TMEM150C: variants seen among roughly 807,000 people sequenced by gnomAD.
The protein encoded by TMEM150C is transmembrane protein 150C, also known as tentonin 3.
In TMEM150C, 10 loss-of-function variants were observed where a neutral mutation model predicts 29.9. The observed-to-expected ratio is 0.33, with a 90% CI of 0.21 to 0.57. The LOEUF (loss-of-function observed/expected upper bound fraction) is 0.57, where lower values mean the gene tolerates loss of function less well. Among genes scored for constraint, TMEM150C ranks in the 20% least tolerant of loss-of-function variants. The pLI, the probability that TMEM150C is intolerant of heterozygous loss-of-function variation, is 0.88. For missense variants in TMEM150C, 251 were observed against 303.6 expected (o/e 0.83, Z 1.29); for synonymous variants, 101 against 112.5 (o/e 0.90, Z 0.64).
chr4:82,517,798 A>G (rs975663546), intron 1 of TMEM150C, among the ~76,000 whole-genome samples: 10 of 152,156 alleles, frequency 6.6e-5, no homozygotes, highest in African/African-American at 2.4e-4. Flanking sequence ...TGCCTAAGCC[A>G]ATTCTCATAA....
intron 1 of TMEM150C, among the ~76,000 whole-genome samples, chr4:82,543,698 T>C (rs1243043971): frequency 2.0e-5 from 3 of 152,182 alleles, no homozygotes; most frequent in Non-Finnish European, 4.4e-5. Flanking sequence ...AGCTAAACAA[T>C]GTATCATTTC....
chr4:82,488,027 T>C (rs115877262), intron 7 of TMEM150C, among the ~76,000 whole-genome samples: 2,411 of 152,298 alleles, frequency 0.016, 71 homozygotes, highest in African/African-American at 0.056. Flanking sequence ...GGGATTTTGG[T>C]GCACCCACCA....
At chr4:82,534,194 T>C (rs1406388751) in intron 1 of TMEM150C, among the ~76,000 whole-genome samples, 2 of 152,216 alleles carry the variant, frequency 1.3e-5, no homozygotes, top group Admixed American at 6.5e-5. Context: ...TTTTGCAATG[T>C]TCTGGAAGCT....
chr4:82,490,434 AC>A (rs1283201565), intron 6 of TMEM150C, among the ~76,000 whole-genome samples, 196 bp from the exon 7 acceptor site: 17 of 152,198 alleles, frequency 1.1e-4, no homozygotes, highest in Non-Finnish European at 2.4e-4. Flanking sequence ...AATAAATAAT[AC>A]CCCCAACCCT....
intron 1 of TMEM150C, among the ~76,000 whole-genome samples, chr4:82,511,844 G>A (rs758788638): frequency 1.3e-5 from 2 of 152,136 alleles, no homozygotes; most frequent in Non-Finnish European, 2.9e-5. Flanking sequence ...TACTGTCTTA[G>A]AGTTTCTATG....
intron 1 of TMEM150C, among the ~76,000 whole-genome samples, chr4:82,554,275 A>C (rs1210566779): frequency 3.3e-5 from 5 of 152,188 alleles, no homozygotes; most frequent in African/African-American, 1.2e-4. Context: ...AAATTCCAGG[A>C]GATATATTTC....
At position 82,496,202 on chromosome 4, in the gene TMEM150C, A is replaced by T; in HGVS notation, c.236-7T>A. On this transcript the variant is annotated splice_region_variant and splice_polypyrimidine_tract_variant and intron_variant, in intron 5 of 7. Coordinates refer to ENST00000449862, the MANE Select transcript of TMEM150C (RefSeq NM_001080506.3). ...AGAACAGCTACCACAAGGGCTAGGA[A>T]TAAAGCAAAGTCTTAAAATGGAAGA... 1 of 1,613,336 alleles carries T rather than the reference A, an allele frequency of 6.2e-7. No individual in the cohort carries two copies. Among genetic ancestry groups the T allele is most frequent in the East Asian group, 2.2e-5 (1 of 44,866 alleles).
chr4:82,520,296 A>G (rs1724441591), intron 1 of TMEM150C, among the ~76,000 whole-genome samples: 1 of 152,222 alleles, frequency 6.6e-6, no homozygotes, highest in South Asian at 2.1e-4. Flanking sequence ...TTAACCATGC[A>G]ATGTGGACAT....
chr4:82,561,516 G>A (rs2110097717), intron 1 of TMEM150C, among the ~76,000 whole-genome samples: 1 of 152,118 alleles, frequency 6.6e-6, no homozygotes, highest in East Asian at 1.9e-4. Context: ...ACGAGATGAT[G>A]GGGCGGCGGG....
intron 7 of TMEM150C, among the ~76,000 whole-genome samples, chr4:82,489,062 ATTTT>A (rs576894576): frequency 2.4e-5 from 3 of 126,090 alleles, no homozygotes; most frequent in African/African-American, 6.1e-5. Context: ...GGATTTTTAG[ATTTT>A]TTTTTTTTTT....
At chr4:82,490,393 C>A (rs1723298838) in intron 6 of TMEM150C, among the ~76,000 whole-genome samples, 155 bp from the exon 7 acceptor site, 1 of 152,124 alleles carries the variant, frequency 6.6e-6, no homozygotes, top group Non-Finnish European at 1.5e-5. Context: ...GTTCTATTCT[C>A]AAATGGTTTG....
In TMEM150C at chr4:82,485,486, T is replaced by C. The variant is rs1176397603; in HGVS notation, c.*25A>G. ...CCCCTCCCCCACTGTCACACCCACC[T>C]CACCAGCAAGGAAAAACTGATGGTT... On this transcript the variant is annotated 3_prime_UTR_variant, in exon 8 of 8. Transcript: ENST00000449862. 6.4e-7 allele frequency: 1 copy of C among 1,565,682 alleles called. No homozygotes were observed. The highest frequency in any genetic ancestry group is 2.3e-5 in the East Asian group (1 of 42,894).
chr4:82,485,799 G>A (rs1302334722), intron 7 of TMEM150C, 80 bp from the exon 8 acceptor site: 1 of 1,330,592 alleles, frequency 7.5e-7, no homozygotes, highest in Non-Finnish European at 1.0e-6. Flanking sequence ...ACAGATTATA[G>A]GAAAAGTCTG....
At chr4:82,529,505 C>T (rs2110082113) in intron 1 of TMEM150C, among the ~76,000 whole-genome samples, 1 of 152,242 alleles carries the variant, frequency 6.6e-6, no homozygotes, top group African/African-American at 2.4e-5. Flanking sequence ...CCCAGGCTGA[C>T]TCAAATTCCT....
chr4:82,492,203 A>AC, intron 6 of TMEM150C, among the ~76,000 whole-genome samples: 1 of 152,262 alleles, frequency 6.6e-6, no homozygotes, highest in African/African-American at 2.4e-5. Context: ...ATCTCCACTC[A>AC]CTGCAACCTC....
chr4:82,492,864 GTATATA>G (rs58169287), intron 6 of TMEM150C, among the ~76,000 whole-genome samples: 6,773 of 90,230 alleles, frequency 0.075, 321 homozygotes, highest in African/African-American at 0.085. Context: ...ATATGTTTGT[GTATATA>G]TATATATATA....
chr4:82,484,569 A>G lies in TMEM150C; in HGVS notation c.*942T>C, dbSNP rs1198084980. 1 of 151,626 alleles carries G rather than the reference A, an allele frequency of 6.6e-6. No individual in the cohort carries two copies. Among genetic ancestry groups the G allele is most frequent in the Admixed American group, 6.6e-5 (1 of 15,210 alleles). 9.4% of individuals were successfully genotyped at this position (151,626 alleles called of 1,614,324 possible). A position where few individuals can be genotyped will look rare whatever the true frequency, so the allele number is the denominator to read the frequency against. The stretch of plus-strand genomic sequence containing the variant: ...CCTCTGCACATCCATATTTCTTTCC[A>G]TTTTTCTGTGATATTTTCTTAGCTT... On this transcript the variant is annotated 3_prime_UTR_variant, in exon 8 of 8. Transcript: ENST00000449862.
intron 1 of TMEM150C, 137 bp downstream of exon 1, chr4:82,561,769 C>G (rs901506766): frequency 1.7e-6 from 1 of 605,890 alleles, no homozygotes; most frequent in South Asian, 7.1e-5. Flanking sequence ...GCCCCGCAGC[C>G]GGGCGGACCC....
intron 1 of TMEM150C, among the ~76,000 whole-genome samples, chr4:82,517,687 C>T (rs1381947785): frequency 2.6e-5 from 4 of 152,182 alleles, no homozygotes; most frequent in Non-Finnish European, 2.9e-5. Context: ...CATCGGCTCC[C>T]CTTGCTCTCA....
Sources: allele counts gnomAD v4.1 joint callset (sites outside exome capture counted in the v4.1 genomes callset), GRCh38; gene constraint gnomAD v4.1.1; transcripts MANE v1.5; gene names NCBI Gene and HGNC (gene_info 2026-07-23, HGNC 2026-07-21).